The following MYBPC3 variants were observed in gnomAD, a reference collection of about 807,000 sequenced individuals.
The protein encoded by MYBPC3 is myosin-binding protein C, cardiac-type.
Under a neutral mutation model 159.3 loss-of-function variants are expected in MYBPC3, and 108 were observed. The ratio of observed to expected loss-of-function variants is 0.68; its 90% CI spans 0.58 to 0.80. MYBPC3 has a LOEUF of 0.80. Among genes scored for constraint, MYBPC3 ranks in the 30% least tolerant of loss-of-function variants. The probability of loss-of-function intolerance (pLI) is 0.00; values close to 1 mark genes in which losing one functional copy is unlikely to be tolerated. For synonymous variants in MYBPC3, 730 were observed against 702.0 expected (o/e 1.04, Z -0.63); for missense variants, 1,631 against 1,762.1 (o/e 0.93, Z 1.33).
Position 47,332,621 on chromosome 11 carries a change from G to A in MYBPC3, c.3572C>T (p.Ser1191Leu), listed in dbSNP as rs761545914. 39 of 1,613,788 alleles carry A rather than the reference G, an allele frequency of 2.4e-5. No homozygotes were observed. The highest frequency in any genetic ancestry group is 4.5e-5 in the East Asian group (2 of 44,896). ...CATAGCAGTGTAGCCCGCGATGACC[G>A]AGCGGTTCACCAGGGGCTGGGTGAA... is the stretch of plus-strand genomic sequence containing the variant. Reference protein sequence around the residue: ...PSFTQPLVNRSVIAGYTAMLC... With the variant: ...PSFTQPLVNRLVIAGYTAMLC... Residue 1191 changes from serine to leucine, a missense_variant, in exon 32 of 35, where the codon TCG (serine) becomes TTG (leucine). Physicochemically the swap from Ser to Leu is moderately radical, Grantham distance 145. Coordinates refer to ENST00000545968, the MANE Select transcript of MYBPC3 (RefSeq NM_000256.3). This position sits in a 1 kb window ranked among gnomAD's most constrained non-coding sequence, Gnocchi z 4.2.
intron 25 of MYBPC3, 81 bp from the exon 26 acceptor site, chr11:47,336,092 A>G (rs1669313784): frequency 7.8e-7 from 1 of 1,286,188 alleles, no homozygotes. Context: ...TGAACTGCCC[A>G]CTGGTCACAT....
intron 12 of MYBPC3, among the ~76,000 whole-genome samples, chr11:47,345,399 A>C (rs2095893120): frequency 6.6e-6 from 1 of 152,178 alleles, no homozygotes; most frequent in African/African-American, 2.4e-5. Context: ...GGGGGAGGTC[A>C]GCAGGGAGGG....
In MYBPC3 at chr11:47,332,435, G is replaced by T; in HGVS notation, c.3627+131C>A. ...TGAGTACCATGGCCCTGCCCAGGGG[G>T]AGGAACCCGGTCCATACACCCCAAG... On this transcript the variant is annotated intron_variant, in intron 32 of 34. Transcript: ENST00000545968. This position sits in a 1 kb window ranked among gnomAD's most constrained non-coding sequence, Gnocchi z 4.2. The T allele has an allele frequency of 6.9e-7, 1 of 1,453,314 alleles. No homozygotes were observed. Among genetic ancestry groups the T allele is most frequent in the Non-Finnish European group, 9.3e-7 (1 of 1,074,342 alleles). The allele number at this position is 1,453,314 out of a possible 1,614,324, so 90.0% of individuals were successfully genotyped here. A position where few individuals can be genotyped will look rare whatever the true frequency, so the allele number is the denominator to read the frequency against.
At position 47,335,803 on chromosome 11, in the gene MYBPC3, C is replaced by T. The variant is rs202010948; in HGVS notation, c.2737+74G>A. ...AAAGTGGGCCTAAAAAACTTGACTACAGGTGAATCTGCTCAATGGCAAGGT... is the reference window on the plus strand; with the variant it reads ...AAAGTGGGCCTAAAAAACTTGACTATAGGTGAATCTGCTCAATGGCAAGGT... On this transcript the variant is annotated intron_variant, in intron 26 of 34. Coordinates refer to ENST00000545968, the MANE Select transcript of MYBPC3 (RefSeq NM_000256.3). 24 of 1,302,076 alleles carry T rather than the reference C, an allele frequency of 1.8e-5. No individual in the cohort carries two copies. In the East Asian group the frequency reaches 6.9e-4, roughly 37 times the overall value. 80.7% of individuals were successfully genotyped at this position (1,302,076 alleles called of 1,614,324 possible).
In MYBPC3 at chr11:47,351,198, C is replaced by T; in HGVS notation, c.292+41G>A. ...GGAGAGTCGCTGGGCTGCCCCTCCCCCAGCAGCCCAAACCTCAGGGAAGGC... is the reference window on the plus strand; with the variant it reads ...GGAGAGTCGCTGGGCTGCCCCTCCCTCAGCAGCCCAAACCTCAGGGAAGGC... On this transcript the variant is annotated intron_variant, in intron 2 of 34. Coordinates refer to ENST00000545968, the MANE Select transcript of MYBPC3 (RefSeq NM_000256.3). This position sits in a 1 kb window ranked among gnomAD's most constrained non-coding sequence, Gnocchi z 4.2. 6.8e-7 allele frequency: 1 copy of T among 1,467,330 alleles called. No homozygotes were observed. Among genetic ancestry groups the T allele is most frequent in the Non-Finnish European group, 9.1e-7 (1 of 1,099,734 alleles). The allele number at this position is 1,467,330 out of a possible 1,614,324, so 90.9% of individuals were successfully genotyped here.
At chr11:47,347,979 G>A (rs528635712) in intron 6 of MYBPC3, 74 bp from the exon 7 acceptor site, 76 of 1,400,868 alleles carry the variant, frequency 5.4e-5, no homozygotes, top group African/African-American at 3.1e-4. Context: ...CCCTGGGGGC[G>A]GCCTCTGAGT....
rs1373951210 is a variant in MYBPC3, at chr11:47,333,904, G to A, written c.2994+18C>T. The A allele has an allele frequency of 1.3e-6, 2 of 1,562,858 alleles. No individual in the cohort carries two copies. The highest frequency in any genetic ancestry group is 1.7e-6 in the Non-Finnish European group (2 of 1,153,336). ...TAGCCTCTCTCCCCTGGGGGACAGG[G>A]AAGGGGGCCAGTCCCACCTGGAAAG... is the stretch of plus-strand genomic sequence containing the variant. On this transcript the variant is annotated intron_variant, in intron 28 of 34. Transcript: ENST00000545968.
rs781477048 is a variant in MYBPC3 at position 47,338,674 on chromosome 11, C to G, written c.2154G>C (p.Leu718=). ...SDEWVFDKKL[L]CETEGRVRVE... ...CGCGGACCCGGCCCTCGGTCTCACA[C>G]AGCAGCTGGGGGGGTGCAGAGTTGG... is the stretch of plus-strand genomic sequence containing the variant. The change falls in exon 23 of 35, where the codon CTG becomes CTC. Residue 718 remains leucine (L), a synonymous_variant. Transcript: ENST00000545968. This position sits in a 1 kb window ranked among gnomAD's most constrained non-coding sequence, Gnocchi z 4.7. 1 of 1,610,832 alleles carries G rather than the reference C, an allele frequency of 6.2e-7. No individual in the cohort carries two copies. The highest frequency in any genetic ancestry group is 2.2e-5 in the East Asian group (1 of 44,826).
In MYBPC3 at chr11:47,348,352, T is replaced by C. The variant is rs960784082; in HGVS notation, c.772+72A>G. 63 of 1,132,940 alleles carry C rather than the reference T, an allele frequency of 5.6e-5. No individual in the cohort carries two copies. The African/African-American group carries it at 6.8e-4, about 12-fold the overall frequency. The allele number at this position is 1,132,940 out of a possible 1,614,324, so 70.2% of individuals were successfully genotyped here. A position where few individuals can be genotyped will look rare whatever the true frequency, so the allele number is the denominator to read the frequency against. ...ATGGGACGAGGCATCCTCCTTAGTGTTGGGAAAAGGAGGTAGGAGACCAGG... is the reference window on the plus strand; with the variant it reads ...ATGGGACGAGGCATCCTCCTTAGTGCTGGGAAAAGGAGGTAGGAGACCAGG... On this transcript the variant is annotated intron_variant, in intron 6 of 34. Coordinates refer to ENST00000545968, the MANE Select transcript of MYBPC3 (RefSeq NM_000256.3).
intron 12 of MYBPC3, among the ~76,000 whole-genome samples, chr11:47,344,990 A>G (rs910162277): frequency 1.3e-5 from 2 of 152,108 alleles, no homozygotes; most frequent in Middle Eastern, 3.2e-3. Flanking sequence ...GGGTTTCACC[A>G]TGTTGGTCAG....
rs727503188 is a variant in MYBPC3 at position 47,337,544 on chromosome 11, G to T, written c.2449C>A (p.Arg817=). ...AGGTCGAAGTTCAGCCGCATCCACC[G>T]GTAGCTCTTCTTCTTCTTGCGCTCC... is the stretch of plus-strand genomic sequence containing the variant. ...ILERKKKKSY[R]WMRLNFDLIQ... Residue 817 remains arginine (R), a synonymous_variant, in exon 25 of 35, where the codon CGG becomes AGG. Transcript: ENST00000545968. 1.2e-6 allele frequency: 2 copies of T among 1,613,960 alleles called. No homozygotes were observed. The highest frequency in any genetic ancestry group is 1.7e-6 in the Non-Finnish European group (2 of 1,179,888).
At position 47,346,065 on chromosome 11, in the gene MYBPC3, T is replaced by C. The variant is rs73451793; in HGVS notation, c.1090+142A>G. 4.9e-5 allele frequency: 58 copies of C among 1,193,402 alleles called. No individual in the cohort carries two copies. The highest frequency in any genetic ancestry group is 6.1e-5 in the Non-Finnish European group (53 of 869,300). 73.9% of individuals were successfully genotyped at this position (1,193,402 alleles called of 1,614,324 possible). A position where few individuals can be genotyped will look rare whatever the true frequency, so the allele number is the denominator to read the frequency against. On this transcript the variant is annotated intron_variant, in intron 12 of 34. Transcript: ENST00000545968. The surrounding 1 kb of genome is among the most constrained non-coding windows in gnomAD (Gnocchi z 5.3). ...CTGTGCTAAGCCGGACTCCGCTCTTTCCATGTATGTGGACGAGGTGGGGGG... is the reference window on the plus strand; with the variant it reads ...CTGTGCTAAGCCGGACTCCGCTCTTCCCATGTATGTGGACGAGGTGGGGGG...
Position 47,338,834 on chromosome 11 carries a change from G to C in MYBPC3, c.2149-155C>G, listed in dbSNP as rs939032871. Among the ~76,000 whole-genome samples, 1 of 152,148 alleles carries C rather than the reference G, an allele frequency of 6.6e-6. No homozygotes were observed. Among genetic ancestry groups the C allele is most frequent in the Non-Finnish European group, 1.5e-5 (1 of 68,026 alleles). ...GCATCTAGTTCAAAATCATCTCTGT[G>C]GCACCGACTGAGGGCAGGGGCTCGG... On this transcript the variant is annotated intron_variant, in intron 22 of 34. Transcript: ENST00000545968. The surrounding 1 kb of genome is among the most constrained non-coding windows in gnomAD (Gnocchi z 4.7).
rs561595897 is a variant in MYBPC3 at position 47,349,939 on chromosome 11, G to A, written c.506-17C>T. ...TGCTGCCACCTGCAAAGGCAGGGGC[G>A]ACAGGCCCGGCTTGGGGAGTGTCCT... On this transcript the variant is annotated splice_polypyrimidine_tract_variant and intron_variant, in intron 4 of 34. Coordinates refer to ENST00000545968, the MANE Select transcript of MYBPC3 (RefSeq NM_000256.3). 1.6e-4 allele frequency: 256 copies of A among 1,582,388 alleles called. No homozygotes were observed. Among genetic ancestry groups the A allele is most frequent in the Middle Eastern group, 8.4e-4 (5 of 5,946 alleles).
At chr11:47,335,714 A>G in intron 26 of MYBPC3, 163 bp downstream of exon 26, 1 of 586,156 alleles carries the variant, frequency 1.7e-6, no homozygotes, top group Non-Finnish European at 2.8e-6. Flanking sequence ...GTTTTTCACT[A>G]GGCAAGCTTT....
Position 47,332,410 on chromosome 11 carries a change from T to G in MYBPC3, c.3628-152A>C, listed in dbSNP as rs1000675950. On this transcript the variant is annotated intron_variant, in intron 32 of 34. Coordinates refer to ENST00000545968, the MANE Select transcript of MYBPC3 (RefSeq NM_000256.3). This position sits in a 1 kb window ranked among gnomAD's most constrained non-coding sequence, Gnocchi z 4.2. ...CTGGAAACAAACATGGAACCAAGAGTGAGTACCATGGCCCTGCCCAGGGGG... is the reference window on the plus strand; with the variant it reads ...CTGGAAACAAACATGGAACCAAGAGGGAGTACCATGGCCCTGCCCAGGGGG... Among the ~76,000 whole-genome samples the G allele has an allele frequency of 6.6e-6, 1 of 151,082 alleles. No homozygotes were observed. Among genetic ancestry groups the G allele is most frequent in the Non-Finnish European group, 1.5e-5 (1 of 67,804 alleles).
chr11:47,348,908 T>TTATATATATA (rs58411933), intron 5 of MYBPC3, among the ~76,000 whole-genome samples: 1,337 of 39,876 alleles, frequency 0.034, 238 homozygotes, highest in African/African-American at 0.093. Flanking sequence ...CTGTCTCAAA[T>TTATATATATA]TATATATATA....
chr11:47,337,641 C>A (rs3729951), intron 24 of MYBPC3, 49 bp downstream of exon 24: 1 of 1,609,750 alleles, frequency 6.2e-7, no homozygotes, highest in Non-Finnish European at 8.5e-7. Context: ...CACCTTCCCT[C>A]GGATCTGTTT....
At chr11:47,349,487 C>A (rs1267949392) in intron 5 of MYBPC3, among the ~76,000 whole-genome samples, 4 of 151,930 alleles carry the variant, frequency 2.6e-5, no homozygotes, top group African/African-American at 7.3e-5. Context: ...GGCGACCCCC[C>A]ACCCCCGGCC....
Sources: gnomAD v4.1 joint callset for allele counts (sites outside exome capture counted in the v4.1 genomes callset) on GRCh38, gnomAD v4.1.1 for gene constraint, Gnocchi (gnomAD v3.1) non-coding constraint, MANE v1.5 for transcripts, NCBI Gene and HGNC (gene_info 2026-07-23, HGNC 2026-07-21) for gene names.